Variants in KIN observed in about 807,000 individuals in gnomAD.
The protein encoded by KIN is DNA/RNA-binding protein KIN17.
A neutral mutation model predicts 63.0 loss-of-function variants in KIN; 47 were observed. That is an observed-to-expected ratio of 0.75 (90% CI 0.59 to 0.95). The LOEUF is 0.95. KIN is among the 40% of genes least tolerant of loss of function. The pLI is 0.00. For synonymous variants in KIN, 160 were observed against 157.7 expected (o/e 1.01, Z -0.11); for missense variants, 408 against 460.9 (o/e 0.89, Z 1.05).
At chr10:7,760,658 T>C (rs907670782) in intron 11 of KIN, among the ~76,000 whole-genome samples, 3 of 148,846 alleles carry the variant, frequency 2.0e-5, no homozygotes, top group Non-Finnish European at 4.5e-5. Context: ...ATAACTTTTA[T>C]CATACTATAT....
intron 6 of KIN, 99 bp from the exon 7 acceptor site, chr10:7,774,990 G>C: frequency 2.3e-6 from 2 of 851,868 alleles, no homozygotes. Flanking sequence ...GGAACTCCAG[G>C]ACATTTTCAA....
Position 7,751,922 on chromosome 10 carries a change from C to CACTT in KIN, c.*4157_*4158insAAGT, listed in dbSNP as rs1835251058. The CACTT allele has an allele frequency of 9.6e-4, 2 of 2,084 alleles. No individual in the cohort carries two copies. Among genetic ancestry groups the CACTT allele is most frequent in the African/African-American group, 3.8e-3 (2 of 528 alleles). 0.1% of individuals were successfully genotyped at this position (2,084 alleles called of 1,614,324 possible). ...CGGTGGCGGGCGCCTGTAGTCCCAG[C>CACTT]TACTCGGGAGGCTGAGGCAGGAGAA... On this transcript the variant is annotated 3_prime_UTR_variant, in exon 13 of 13. Transcript: ENST00000379562.
chr10:7,779,588 A>G (rs1257544141), intron 4 of KIN, among the ~76,000 whole-genome samples: 1 of 152,240 alleles, frequency 6.6e-6, no homozygotes, highest in East Asian at 1.9e-4. Context: ...TGTACTGAAC[A>G]TGCACAGACA....
At chr10:7,785,940 C>A (rs948194514) in intron 1 of KIN, among the ~76,000 whole-genome samples, 1 of 152,072 alleles carries the variant, frequency 6.6e-6, no homozygotes, top group Non-Finnish European at 1.5e-5. Flanking sequence ...ACTTTTTGGG[C>A]AGTTAAACTA....
At chr10:7,781,587 T>TACACACAC (rs3036327) in intron 2 of KIN, among the ~76,000 whole-genome samples, 94,690 of 140,436 alleles carry the variant, frequency 0.67, 32,203 homozygotes, top group East Asian at 0.78. Flanking sequence ...ACCCTGTCTC[T>TACACACAC]ACACACACAC....
intron 1 of KIN, among the ~76,000 whole-genome samples, chr10:7,785,758 G>A (rs1835989048): frequency 6.6e-6 from 1 of 151,496 alleles, no homozygotes; most frequent in Admixed American, 6.6e-5. Flanking sequence ...AGGTTGCAGT[G>A]AGCTGAGATC....
chr10:7,777,636 G>A (rs1055784175), intron 5 of KIN, among the ~76,000 whole-genome samples: 2 of 152,178 alleles, frequency 1.3e-5, no homozygotes, highest in African/African-American at 2.4e-5. Context: ...GGTGGCTCAC[G>A]CCTGTAATCT....
intron 9 of KIN, among the ~76,000 whole-genome samples, chr10:7,764,786 A>G (rs1367696601): frequency 2.0e-5 from 3 of 152,340 alleles, no homozygotes; most frequent in East Asian, 1.9e-4. Context: ...TAATTGGAAG[A>G]TAATTCATTA....
chr10:7,778,972 T>C lies in KIN; in HGVS notation c.424A>G (p.Ile142Val), dbSNP rs1181345536. Residue 142 changes from isoleucine (I) to valine (V), a missense_variant, in exon 5 of 13, where the codon ATA becomes GTA. Ile to Val is a conservative substitution (Grantham distance 29). Around this residue, in one of 2 missense-constraint regions of KIN, gnomAD observed 298 missense variants for 296.0 expected, o/e 1.01. Coordinates refer to ENST00000379562, the MANE Select transcript of KIN (RefSeq NM_012311.4). Reference sequence around the variant, plus strand: ...CGGATAGTTTCTGGGTCCCTGTCTATGTACTGAATATACCAGCCTTTTGGT... The same window carrying C: ...CGGATAGTTTCTGGGTCCCTGTCTACGTACTGAATATACCAGCCTTTTGGT... ...ETPKGWYIQY[I>V]DRDPETIRRQ... 1 of 1,614,182 alleles carries C rather than the reference T, an allele frequency of 6.2e-7. No individual in the cohort carries two copies. The highest frequency in any genetic ancestry group is 1.1e-5 in the South Asian group (1 of 91,078).
intron 2 of KIN, among the ~76,000 whole-genome samples, chr10:7,782,100 T>A (rs992824372): frequency 1.2e-4 from 18 of 152,122 alleles, no homozygotes; most frequent in African/African-American, 4.3e-4. Flanking sequence ...ACCAATTTTT[T>A]TAAAAAACTT....
chr10:7,784,441 G>C (rs1301177080), intron 1 of KIN, among the ~76,000 whole-genome samples: 1 of 152,080 alleles, frequency 6.6e-6, no homozygotes. Context: ...TTGAAAATTA[G>C]CCAGGCATGG....
Position 7,753,860 on chromosome 10 carries a change from C to T in KIN, c.*2220G>A, listed in dbSNP as rs79889637. 21 of 294,850 alleles carry T rather than the reference C, an allele frequency of 7.1e-5. No homozygotes were observed. The East Asian group carries it at 1.9e-3, about 27-fold the overall frequency. The allele number at this position is 294,850 out of a possible 1,614,324, so 18.3% of individuals were successfully genotyped here. On this transcript the variant is annotated 3_prime_UTR_variant, in exon 13 of 13. Coordinates refer to ENST00000379562, the MANE Select transcript of KIN (RefSeq NM_012311.4). ...TTACTGCCTCTTACATTTCTGCTAA[C>T]AGCATACGTTCTCCCATCTTCTGAG...
At chr10:7,781,483 T>C (rs1588487243) in intron 2 of KIN, among the ~76,000 whole-genome samples, 1 of 152,004 alleles carries the variant, frequency 6.6e-6, no homozygotes, top group African/African-American at 2.4e-5. Flanking sequence ...CTGGGTATGA[T>C]GGCTCATACC....
At chr10:7,783,288 TA>T in intron 1 of KIN, 113 bp from the exon 2 acceptor site, 1 of 488,288 alleles carries the variant, frequency 2.0e-6, no homozygotes, top group Middle Eastern at 5.0e-4. Context: ...AATTAAAATA[TA>T]ATCAAATCAT....
In KIN at chr10:7,755,335, C is replaced by T. The variant is rs940802970; in HGVS notation, c.*745G>A. Reference sequence around the variant, plus strand: ...CATAAAAACAAATGAAGCACGCCTACATGCTACTGCATGGATAAACCTTGA... The same window carrying T: ...CATAAAAACAAATGAAGCACGCCTATATGCTACTGCATGGATAAACCTTGA... On this transcript the variant is annotated 3_prime_UTR_variant, in exon 13 of 13. Transcript: ENST00000379562. 3 of 152,320 alleles carry T rather than the reference C, an allele frequency of 2.0e-5. No homozygotes were observed. The highest frequency in any genetic ancestry group is 1.9e-4 in the East Asian group (1 of 5,192). The allele number at this position is 152,320 out of a possible 1,614,324, so 9.4% of individuals were successfully genotyped here.
Position 7,776,730 on chromosome 10 carries a change from C to T in KIN, c.559-931G>A, listed in dbSNP as rs565096961. ...CCTGGGTGACAGAGCAAGACTCTGT[C>T]TCAAAAAAAAAAAAAAAGAAAAGAA... On this transcript the variant is annotated intron_variant, in intron 5 of 12. Coordinates refer to ENST00000379562, the MANE Select transcript of KIN (RefSeq NM_012311.4). Among the ~76,000 whole-genome samples the T allele has an allele frequency of 9.5e-4, 62 of 65,040 alleles. 1 individual carries two copies. Among genetic ancestry groups the T allele is most frequent in the Non-Finnish European group, 1.6e-3 (47 of 28,654 alleles). 42.7% of individuals were successfully genotyped at this position (65,040 alleles called of 152,430 possible).
At position 7,762,531 on chromosome 10, in the gene KIN, A is replaced by T. The variant is rs763298952; in HGVS notation, c.944T>A (p.Val315Asp). Residue 315 changes from valine to aspartate, a missense_variant, in exon 11 of 13, where the codon GTT becomes GAT. Val to Asp is a radical substitution (Grantham distance 152). Around this residue, in one of 2 missense-constraint regions of KIN, gnomAD observed 298 missense variants for 296.0 expected, o/e 1.01. Coordinates refer to ENST00000379562, the MANE Select transcript of KIN (RefSeq NM_012311.4). The stretch of plus-strand genomic sequence containing the variant: ...GTCTCCAGAATCAATCATCTTCACA[A>T]CAGCTGTATATTTGTCAATTACTTC... ...VKEVIDKYTA[V>D]VKMIDSGDKL... is the part of the protein sequence containing the mutation. 1 of 1,608,808 alleles carries T rather than the reference A, an allele frequency of 6.2e-7. No homozygotes were observed. Among genetic ancestry groups the T allele is most frequent in the South Asian group, 1.1e-5 (1 of 90,370 alleles).
chr10:7,757,194 C>A (rs745582762), intron 12 of KIN, among the ~76,000 whole-genome samples: 5 of 152,120 alleles, frequency 3.3e-5, no homozygotes, highest in Admixed American at 6.6e-5. Flanking sequence ...ATTATTTAAT[C>A]TTTTGTTTAA....
chr10:7,780,162 G>GTGGA lies in KIN; in HGVS notation c.266_269dup (p.Asn91ProfsTer28). ...TGTATTCGTTGTAGACAATGTTGTT[G>GTGGA]TGGACCCTTTTAGTGCCTGAGAACA... On this transcript the variant is annotated frameshift_variant, in exon 4 of 13. Coordinates refer to ENST00000379562, the MANE Select transcript of KIN (RefSeq NM_012311.4). LOFTEE classifies it high-confidence loss of function. The GTGGA allele has an allele frequency of 6.2e-7, 1 of 1,613,688 alleles. No individual in the cohort carries two copies. The highest frequency in any genetic ancestry group is 8.5e-7 in the Non-Finnish European group (1 of 1,179,856).
Sources: gnomAD v4.1 joint callset for allele counts (sites outside exome capture counted in the v4.1 genomes callset) on GRCh38, gnomAD v4.1.1 for gene constraint, gnomAD v4.1.1 regional missense constraint, MANE v1.5 for transcripts, NCBI Gene and HGNC (gene_info 2026-07-23, HGNC 2026-07-21) for gene names.